ACYP2: variants seen among roughly 807,000 people sequenced by gnomAD.
ACYP2 encodes the protein acylphosphatase-2.
A neutral mutation model predicts 11.2 loss-of-function variants in ACYP2; 12 were observed. That is an observed-to-expected ratio of 1.08 (90% CI 0.69 to 1.74). The LOEUF (loss-of-function observed/expected upper bound fraction) is 1.74, where lower values mean the gene tolerates loss of function less well. Among genes scored for constraint, ACYP2 ranks in the 40% most tolerant of loss-of-function variants. The pLI, the probability that ACYP2 is intolerant of heterozygous loss-of-function variation, is 0.00. For synonymous variants in ACYP2, 43 were observed against 32.2 expected (o/e 1.33, Z -1.13); for missense variants, 134 against 101.9 (o/e 1.31, Z -1.35).
chr2:54,141,310 A>G (rs1410558949), intron 6 of ACYP2, among the ~76,000 whole-genome samples: 1 of 152,188 alleles, frequency 6.6e-6, no homozygotes, highest in East Asian at 1.9e-4. Flanking sequence ...ATTAACTCAA[A>G]TATGGCTATT....
chr2:54,224,909 G>C (rs1054304422), intron 6 of ACYP2, among the ~76,000 whole-genome samples: 1 of 152,180 alleles, frequency 6.6e-6, no homozygotes, highest in Non-Finnish European at 1.5e-5. Context: ...GATTATGTTT[G>C]TGGGGCAAAA....
At chr2:54,029,100 G>C (rs1211869106) in intron 2 of ACYP2, among the ~76,000 whole-genome samples, 1 of 152,130 alleles carries the variant, frequency 6.6e-6, no homozygotes, top group Non-Finnish European at 1.5e-5. Flanking sequence ...GGAAAGCTGA[G>C]GCTGCAGTAA....
At chr2:54,124,669 T>G (rs1323562865) in intron 4 of ACYP2, among the ~76,000 whole-genome samples, 4 of 152,210 alleles carry the variant, frequency 2.6e-5, no homozygotes, top group African/African-American at 4.8e-5. Flanking sequence ...CATGTGTGTA[T>G]TGTTACCATT....
intron 6 of ACYP2, among the ~76,000 whole-genome samples, chr2:54,191,728 G>C (rs1231678378): frequency 6.6e-6 from 1 of 152,108 alleles, no homozygotes; most frequent in East Asian, 1.9e-4. Flanking sequence ...TTCATTCAGA[G>C]CTCTGCTCAA....
chr2:54,047,835 C>T (rs544135752), intron 2 of ACYP2, among the ~76,000 whole-genome samples: 3 of 149,936 alleles, frequency 2.0e-5, no homozygotes, highest in East Asian at 1.9e-4. Context: ...GACAAAAGAC[C>T]GCAGCTACCA....
chr2:54,042,518 G>T (rs997285745), intron 2 of ACYP2, among the ~76,000 whole-genome samples: 3 of 152,226 alleles, frequency 2.0e-5, no homozygotes, highest in African/African-American at 7.2e-5. Context: ...TATTCTGGGA[G>T]CAAAACACAC....
intron 6 of ACYP2, among the ~76,000 whole-genome samples, chr2:54,247,585 T>C (rs992990567): frequency 3.9e-5 from 6 of 152,234 alleles, no homozygotes; most frequent in African/African-American, 7.2e-5. Context: ...ATATTTATTA[T>C]ATTTAAATGG....
rs201764980 is a variant in ACYP2 at position 54,100,668 on chromosome 2, T to C, written c.278-34785T>C. Among the ~76,000 whole-genome samples, 4 of 152,128 alleles carry C rather than the reference T, an allele frequency of 2.6e-5. No homozygotes were observed. The East Asian group carries it at 5.8e-4, about 22-fold the overall frequency. ...CAAAATCATGCCACATTTTAACTCGTTTCCTATTTGGTCCATGTCAGGAAT... is the reference window on the plus strand; with the variant it reads ...CAAAATCATGCCACATTTTAACTCGCTTCCTATTTGGTCCATGTCAGGAAT... On this transcript the variant is annotated intron_variant, in intron 4 of 6. Transcript: ENST00000607452.
intron 6 of ACYP2, among the ~76,000 whole-genome samples, chr2:54,213,151 C>T (rs1277261066): frequency 2.0e-5 from 3 of 152,044 alleles, no homozygotes; most frequent in Non-Finnish European, 4.4e-5. Flanking sequence ...TCCATGTGTA[C>T]CCAGTGTTTA....
intron 6 of ACYP2, among the ~76,000 whole-genome samples, chr2:54,283,131 G>A (rs942683561): frequency 2.0e-5 from 3 of 152,040 alleles, no homozygotes; most frequent in South Asian, 2.1e-4. Flanking sequence ...CCTAATGCAC[G>A]AATGATTGAA....
intron 4 of ACYP2, among the ~76,000 whole-genome samples, chr2:54,069,056 T>G (rs1676883820): frequency 6.6e-6 from 1 of 151,992 alleles, no homozygotes; most frequent in African/African-American, 2.4e-5. Flanking sequence ...TCCTCTTGAG[T>G]AGCTGGGACT....
intron 6 of ACYP2, among the ~76,000 whole-genome samples, chr2:54,182,347 T>TTTG (rs1012550960): frequency 3.3e-5 from 5 of 151,122 alleles, no homozygotes; most frequent in Non-Finnish European, 7.4e-5. Flanking sequence ...GAAGATAAAT[T>TTTG]TTGTTGTTGT....
intron 4 of ACYP2, 28 bp from the exon 2 acceptor site, chr2:54,135,425 C>CAA: frequency 6.2e-7 from 1 of 1,601,576 alleles, no homozygotes; most frequent in Non-Finnish European, 8.5e-7. Flanking sequence ...GACAAGCTGA[C>CAA]AATTCTTTTT....
intron 6 of ACYP2, among the ~76,000 whole-genome samples, chr2:54,257,131 T>C (rs1467110380): frequency 6.6e-6 from 1 of 152,118 alleles, no homozygotes; most frequent in Non-Finnish European, 1.5e-5. Context: ...CCTAGCACTT[T>C]GAGAGGCGGA....
At chr2:54,099,813 C>T (rs750998459) in intron 4 of ACYP2, among the ~76,000 whole-genome samples, 3 of 152,134 alleles carry the variant, frequency 2.0e-5, no homozygotes, top group African/African-American at 7.2e-5. Flanking sequence ...GATACGTATC[C>T]AGGAATTGCT....
At chr2:54,034,564 G>A (rs148220086) in intron 2 of ACYP2, among the ~76,000 whole-genome samples, 7 of 152,220 alleles carry the variant, frequency 4.6e-5, no homozygotes, top group South Asian at 4.1e-4. Context: ...CTAGGTTTGC[G>A]TAAGTGCAGT....
chr2:54,011,769 A>G (rs1367832691), intron 2 of ACYP2, among the ~76,000 whole-genome samples: 1 of 151,554 alleles, frequency 6.6e-6, no homozygotes, highest in Non-Finnish European at 1.5e-5. Flanking sequence ...TTGTTTCTCC[A>G]TTCTAGAGCA....
chr2:54,287,637 G>C (rs1453410501), intron 6 of ACYP2, among the ~76,000 whole-genome samples: 1 of 151,920 alleles, frequency 6.6e-6, no homozygotes, highest in East Asian at 1.9e-4. Context: ...TGGCTACTTT[G>C]AAGCCGCCAT....
chr2:54,251,450 C>T (rs186273531), intron 6 of ACYP2, among the ~76,000 whole-genome samples: 4 of 152,090 alleles, frequency 2.6e-5, no homozygotes, highest in Non-Finnish European at 1.5e-5. Flanking sequence ...AGTATGTTTT[C>T]TAAATGTACA....
Sources: gnomAD v4.1 joint callset for allele counts (sites outside exome capture counted in the v4.1 genomes callset) on GRCh38, gnomAD v4.1.1 for gene constraint, MANE v1.5 for transcripts, NCBI Gene and HGNC (gene_info 2026-07-23, HGNC 2026-07-21) for gene names.